The following CDYL variants were observed in gnomAD, a reference collection of about 807,000 sequenced individuals.
The protein encoded by CDYL is chromodomain Y-like protein.
In CDYL, 8 loss-of-function variants were observed where a neutral mutation model predicts 47.3. That is an observed-to-expected ratio of 0.17 (90% CI 0.10 to 0.31). The LOEUF is 0.31. Ranked by LOEUF, CDYL falls within the 10% of genes least tolerant of loss-of-function variation. The pLI, the probability that CDYL is intolerant of heterozygous loss-of-function variation, is 1.00. For missense variants in CDYL, 471 were observed against 701.4 expected (o/e 0.67, Z 3.71); for synonymous variants, 266 against 265.0 (o/e 1.00, Z -0.04).
intron 2 of CDYL, among the ~76,000 whole-genome samples, chr6:4,914,472 T>A (rs1175888132): frequency 6.6e-6 from 1 of 152,204 alleles, no homozygotes; most frequent in African/African-American, 2.4e-5. Flanking sequence ...CTTACTATTA[T>A]CTGTCTCTTG....
At chr6:4,825,840 T>G (rs1000207159) in intron 1 of CDYL, among the ~76,000 whole-genome samples, 1 of 135,154 alleles carries the variant, frequency 7.4e-6, no homozygotes, top group African/African-American at 2.9e-5. Context: ...TACATACACC[T>G]AGAATGGCAA....
intron 1 of CDYL, among the ~76,000 whole-genome samples, chr6:4,796,899 T>G (rs181035443): frequency 6.6e-6 from 1 of 152,324 alleles, no homozygotes; most frequent in Admixed American, 6.5e-5. Context: ...CTTTTAGTGT[T>G]AGCACCTTGT....
intron 1 of CDYL, among the ~76,000 whole-genome samples, chr6:4,826,168 T>C (rs1314130748): frequency 6.6e-6 from 1 of 152,250 alleles, no homozygotes; most frequent in Non-Finnish European, 1.5e-5. Flanking sequence ...TGTGCATATT[T>C]ACCTTATGAG....
At chr6:4,736,707 T>C (rs1455270897) in intron 3 of CDYL, among the ~76,000 whole-genome samples, 1 of 152,138 alleles carries the variant, frequency 6.6e-6, no homozygotes, top group African/African-American at 2.4e-5. Context: ...AGCTTTTTTT[T>C]TCCCTCATAA....
chr6:4,946,402 T>C (rs1328228923), intron 5 of CDYL, among the ~76,000 whole-genome samples: 1 of 152,142 alleles, frequency 6.6e-6, no homozygotes, highest in Non-Finnish European at 1.5e-5. Flanking sequence ...GGGGGCATTT[T>C]CCTCACCACA....
At chr6:4,927,929 G>A (rs926993567) in intron 2 of CDYL, among the ~76,000 whole-genome samples, 2 of 151,836 alleles carry the variant, frequency 1.3e-5, no homozygotes, top group African/African-American at 2.4e-5. Flanking sequence ...GCTATTTATT[G>A]AATGTTTTAT....
chr6:4,933,510 G>A (rs1269791767), intron 2 of CDYL, among the ~76,000 whole-genome samples: 6 of 152,218 alleles, frequency 3.9e-5, no homozygotes, highest in African/African-American at 1.4e-4. Context: ...ATGGACAGAG[G>A]GAGAGGTGAA....
chr6:4,946,825 C>A (rs1385610809), intron 5 of CDYL, among the ~76,000 whole-genome samples: 1 of 152,172 alleles, frequency 6.6e-6, no homozygotes, highest in Non-Finnish European at 1.5e-5. Context: ...CTGTGCTGCC[C>A]TCCTCCCTCT....
At chr6:4,889,664 A>G (rs756762714) in intron 1 of CDYL, among the ~76,000 whole-genome samples, 33 of 152,146 alleles carry the variant, frequency 2.2e-4, no homozygotes, top group Non-Finnish European at 8.8e-5. Flanking sequence ...TTCATTACAT[A>G]TTGTGTCTCG....
chr6:4,760,609 T>G (rs1349453203), intron 3 of CDYL, among the ~76,000 whole-genome samples: 1 of 152,064 alleles, frequency 6.6e-6, no homozygotes, highest in Non-Finnish European at 1.5e-5. Flanking sequence ...AGCCATGAAT[T>G]TGTTGCCTAG....
At chr6:4,710,424 C>T (rs1007243685) in intron 1 of CDYL, among the ~76,000 whole-genome samples, 8 of 118,652 alleles carry the variant, frequency 6.7e-5, no homozygotes, top group African/African-American at 2.3e-4. Flanking sequence ...GATCCCCTTT[C>T]CAGACCAATT....
chr6:4,709,464 G>T (rs1428336429), intron 1 of CDYL, among the ~76,000 whole-genome samples: 1 of 152,108 alleles, frequency 6.6e-6, no homozygotes, highest in Non-Finnish European at 1.5e-5. Flanking sequence ...CCAAAGTGCT[G>T]GGATTACAGG....
chr6:4,763,751 C>T (rs1758211192), intron 3 of CDYL, among the ~76,000 whole-genome samples: 1 of 152,076 alleles, frequency 6.6e-6, no homozygotes, highest in African/African-American at 2.4e-5. Context: ...AAGACCAGCC[C>T]TGTCAACATA....
At chr6:4,887,122 T>C (rs1323838398) in intron 1 of CDYL, among the ~76,000 whole-genome samples, 1 of 152,232 alleles carries the variant, frequency 6.6e-6, no homozygotes, top group Non-Finnish European at 1.5e-5. Flanking sequence ...TTGAAACCAG[T>C]TAGTGTGAGT....
In CDYL at chr6:4,953,898, G is replaced by T; in HGVS notation, c.1477G>T (p.Val493Leu). 6.2e-7 allele frequency: 1 copy of T among 1,610,644 alleles called. No individual in the cohort carries two copies. The highest frequency in any genetic ancestry group is 1.1e-5 in the South Asian group (1 of 90,472). ...IKELASCNPV[V>L]LEESKALVRC... ...ACTGGCTGCTTGTTTTCCGGTGCAG[G>T]TGCTTGAGGAATCCAAAGCCCTCGT... is the stretch of plus-strand genomic sequence containing the variant. Residue 493 changes from valine (V) to leucine (L), a missense_variant and splice_region_variant, in exon 7 of 7, where the codon GTG becomes TTG. Physicochemically the swap from Val to Leu is conservative, Grantham distance 32 (BLOSUM62 1). Transcript: ENST00000397588.
chr6:4,880,595 T>C (rs1761738018), intron 1 of CDYL, among the ~76,000 whole-genome samples: 1 of 152,236 alleles, frequency 6.6e-6, no homozygotes, highest in African/African-American at 2.4e-5. Flanking sequence ...ATGTTTCAGT[T>C]TGTAAGAAAC....
At chr6:4,821,260 C>CTTTTTTTTTTTTTTTT (rs1176819548) in intron 1 of CDYL, among the ~76,000 whole-genome samples, 1 of 60,384 alleles carries the variant, frequency 1.7e-5, no homozygotes, top group Admixed American at 2.0e-4. Context: ...TATGGGAATT[C>CTTTTTTTTTTTTTTTT]TTTTTTTTTT....
intron 5 of CDYL, among the ~76,000 whole-genome samples, chr6:4,946,145 G>T (rs1313730638): frequency 6.6e-6 from 1 of 152,154 alleles, no homozygotes; most frequent in Non-Finnish European, 1.5e-5. Context: ...TGCTGTTGAG[G>T]CCCCTCTGGC....
intron 2 of CDYL, among the ~76,000 whole-genome samples, chr6:4,928,510 A>G (rs1336682343): frequency 6.6e-6 from 1 of 152,174 alleles, no homozygotes; most frequent in African/African-American, 2.4e-5. Flanking sequence ...ATGCCCTTTG[A>G]CATAAACCGT....
Sources: allele counts gnomAD v4.1 joint callset (sites outside exome capture counted in the v4.1 genomes callset), GRCh38; gene constraint gnomAD v4.1.1; transcripts MANE v1.5; gene names NCBI Gene and HGNC (gene_info 2026-07-23, HGNC 2026-07-21).